The following ANLN variants were observed in gnomAD, a reference collection of about 807,000 sequenced individuals.
ANLN encodes anillin, actin binding protein.
ANLN carries 59 observed loss-of-function variants against 135.1 expected under a neutral mutation model. The ratio of observed to expected loss-of-function variants is 0.44; its 90% CI spans 0.35 to 0.54. The LOEUF is 0.54. Ranked by LOEUF, ANLN falls within the 20% of genes least tolerant of loss-of-function variation. ANLN has a pLI of 0.00. For synonymous variants in ANLN, 406 were observed against 456.4 expected, an observed-to-expected ratio of 0.89 and a Z score of 1.41; for missense variants, 1,182 against 1,340.0, an observed-to-expected ratio of 0.88 and a Z score of 1.84.
At chr7:36,416,425 C>A (rs1787645186) in intron 8 of ANLN, among the ~76,000 whole-genome samples, 1 of 152,170 alleles carries the variant, frequency 6.6e-6, no homozygotes, top group South Asian at 2.1e-4. Flanking sequence ...CTGGCTAGGA[C>A]TTTCAATGCT....
chr7:36,446,992 C>T (rs1299325613), intron 22 of ANLN, among the ~76,000 whole-genome samples: 4 of 152,134 alleles, frequency 2.6e-5, no homozygotes, highest in Non-Finnish European at 5.9e-5. Context: ...TTAGTGGACG[C>T]GTTCCAAGAC....
Position 36,452,885 on chromosome 7 carries a change from AT to A in ANLN, c.*292del. 4.9e-6 allele frequency: 1 copy of A among 205,648 alleles called. No individual in the cohort carries two copies. The highest frequency in any genetic ancestry group is 9.7e-6 in the Non-Finnish European group (1 of 103,410). 12.7% of individuals were successfully genotyped at this position (205,648 alleles called of 1,614,324 possible). ...TAATTATTCAGTTATTCATGACAAT[AT>A]TTTTTTAAAAGTAAGAAATTCTGAG... On this transcript the variant is annotated 3_prime_UTR_variant, in exon 24 of 24. Coordinates refer to ENST00000265748, the MANE Select transcript of ANLN (RefSeq NM_018685.5).
At chr7:36,431,612 T>TATATA (rs1217530414) in intron 20 of ANLN, among the ~76,000 whole-genome samples, 2 of 38,082 alleles carry the variant, frequency 5.3e-5, no homozygotes, top group African/African-American at 1.4e-4. Flanking sequence ...TATATATATA[T>TATATA]ATATAATATA....
At chr7:36,450,486 G>C (rs958003626) in intron 23 of ANLN, among the ~76,000 whole-genome samples, 1 of 152,130 alleles carries the variant, frequency 6.6e-6, no homozygotes, top group African/African-American at 2.4e-5. Context: ...ATTGCAGATG[G>C]GGGGAGATTG....
At chr7:36,404,391 A>G (rs1164306850) in intron 3 of ANLN, among the ~76,000 whole-genome samples, 1 of 152,206 alleles carries the variant, frequency 6.6e-6, no homozygotes, top group African/African-American at 2.4e-5. Flanking sequence ...ACCGAACCCA[A>G]TTGCCATCAT....
intron 9 of ANLN, among the ~76,000 whole-genome samples, chr7:36,418,972 G>C (rs1562801170): frequency 6.6e-6 from 1 of 151,986 alleles, no homozygotes; most frequent in Non-Finnish European, 1.5e-5. Context: ...GGCCAGACTT[G>C]TCTTGAACTC....
intron 20 of ANLN, among the ~76,000 whole-genome samples, chr7:36,431,217 G>C (rs1217365949): frequency 1.3e-5 from 2 of 152,120 alleles, no homozygotes; most frequent in Non-Finnish European, 2.9e-5. Context: ...TGAGGCATAT[G>C]ATGTTTTGGT....
intron 20 of ANLN, among the ~76,000 whole-genome samples, chr7:36,435,596 G>A (rs1198679513): frequency 6.6e-6 from 1 of 151,946 alleles, no homozygotes; most frequent in Non-Finnish European, 1.5e-5. Flanking sequence ...ATCCATGGCC[G>A]GGCGCGGTGG....
intron 20 of ANLN, among the ~76,000 whole-genome samples, chr7:36,428,881 C>T (rs1389994473): frequency 1.3e-5 from 2 of 149,050 alleles, no homozygotes; most frequent in Non-Finnish European, 3.0e-5. Flanking sequence ...TGGGTTCAAG[C>T]GATTCTCCTG....
chr7:36,430,189 T>C (rs1359315616), intron 20 of ANLN, among the ~76,000 whole-genome samples: 1 of 152,238 alleles, frequency 6.6e-6, no homozygotes, highest in Non-Finnish European at 1.5e-5. Flanking sequence ...TGAAAGAGTA[T>C]ACATGTCTTT....
At chr7:36,390,863 C>T (rs1266839978) in intron 1 of ANLN, among the ~76,000 whole-genome samples, 2 of 152,114 alleles carry the variant, frequency 1.3e-5, no homozygotes, top group African/African-American at 4.8e-5. Context: ...GTTTTGTTGC[C>T]AGTTGTCCAC....
chr7:36,440,404 G>A (rs532178300), intron 21 of ANLN, among the ~76,000 whole-genome samples: 8 of 152,302 alleles, frequency 5.3e-5, no homozygotes, highest in Admixed American at 1.3e-4. Context: ...TCATTCTGGC[G>A]CAGGTGAGGG....
chr7:36,417,135 A>G lies in ANLN; in HGVS notation c.1578A>G (p.Leu526=), dbSNP rs1487704081. 1.2e-6 allele frequency: 2 copies of G among 1,610,010 alleles called. No homozygotes were observed. Among genetic ancestry groups the G allele is most frequent in the Non-Finnish European group, 8.5e-7 (1 of 1,178,624 alleles). The change falls in exon 9 of 24, where the codon TTA becomes TTG. Residue 526 remains leucine (L), a synonymous_variant. Coordinates refer to ENST00000265748, the MANE Select transcript of ANLN (RefSeq NM_018685.5). ...GCCCTTTGAAAATAACATTGTTTTTAGAAGAGGACAAATCCTTAAAAGTAA... is the reference window on the plus strand; with the variant it reads ...GCCCTTTGAAAATAACATTGTTTTTGGAAGAGGACAAATCCTTAAAAGTAA... The part of the protein sequence containing the change: ...KSSPLKITLF[L]EEDKSLKVTS...
At chr7:36,396,938 C>T (rs7776518) in intron 2 of ANLN, among the ~76,000 whole-genome samples, 63,339 of 151,974 alleles carry the variant, frequency 0.42, 13,755 homozygotes, top group African/African-American at 0.51. Context: ...CAAGCACACA[C>T]ACACATACAC....
chr7:36,453,650 G>A lies in ANLN; in HGVS notation c.*1050G>A, dbSNP rs1322475843. ...TCTCTGAATTATTAAAGTTCTTTAT[G>A]ACCTCATTTATAAACACTAAATTCT... On this transcript the variant is annotated 3_prime_UTR_variant, in exon 24 of 24. Transcript: ENST00000265748. 1 of 152,366 alleles carries A rather than the reference G, an allele frequency of 6.6e-6. No individual in the cohort carries two copies. Among genetic ancestry groups the A allele is most frequent in the East Asian group, 1.9e-4 (1 of 5,192 alleles). The allele number at this position is 152,366 out of a possible 1,614,324, so 9.4% of individuals were successfully genotyped here. A position where few individuals can be genotyped will look rare whatever the true frequency, so the allele number is the denominator to read the frequency against.
intron 22 of ANLN, among the ~76,000 whole-genome samples, chr7:36,445,605 A>G (rs901026778): frequency 6.6e-6 from 1 of 152,154 alleles, no homozygotes. Flanking sequence ...TTATTTCTAA[A>G]TTGTTGTATA....
At chr7:36,406,604 T>C in intron 4 of ANLN, 38 bp downstream of exon 4, 1 of 1,468,402 alleles carries the variant, frequency 6.8e-7, no homozygotes, top group Non-Finnish European at 9.0e-7. Flanking sequence ...AAGCCTTTTC[T>C]TTTTTCGTTA....
chr7:36,439,396 C>G, intron 21 of ANLN, 106 bp downstream of exon 21: 1 of 687,434 alleles, frequency 1.5e-6, no homozygotes, highest in East Asian at 2.8e-5. Flanking sequence ...TAAGTTGGTT[C>G]AGTAAAGATT....
chr7:36,443,886 T>C (rs1307247900), intron 22 of ANLN, 24 bp downstream of exon 22: 1 of 1,514,380 alleles, frequency 6.6e-7, no homozygotes, highest in Non-Finnish European at 9.1e-7. Flanking sequence ...TACTGTTTAG[T>C]GGTGAAAGCC....
Sources: allele counts gnomAD v4.1 joint callset (sites outside exome capture counted in the v4.1 genomes callset), GRCh38; gene constraint gnomAD v4.1.1; transcripts MANE v1.5; gene names NCBI Gene and HGNC (gene_info 2026-07-23, HGNC 2026-07-21).